The following FAM186A variants were observed in gnomAD, a reference collection of about 807,000 sequenced individuals.
FAM186A encodes the protein family with sequence similarity 186 member A, also known as protein FAM186A.
Under a neutral mutation model 216.8 loss-of-function variants are expected in FAM186A, and 163 were observed. The ratio of observed to expected loss-of-function variants is 0.75; its 90% CI spans 0.66 to 0.86. The LOEUF is 0.86. Among genes scored for constraint, FAM186A ranks in the 40% least tolerant of loss-of-function variants. The pLI, the probability that FAM186A is intolerant of heterozygous loss-of-function variation, is 0.00. For missense variants in FAM186A, 2,184 were observed against 2,746.2 expected (o/e 0.80, Z 4.58); for synonymous variants, 805 against 1,025.3 (o/e 0.79, Z 4.10).
chr12:50,345,997 C>CAA (rs35925338), intron 4 of FAM186A, among the ~76,000 whole-genome samples: 9,849 of 120,644 alleles, frequency 0.082, 915 homozygotes, highest in East Asian at 0.32. Flanking sequence ...GACTTTGCCT[C>CAA]AAAAAAAAAA....
intron 3 of FAM186A, among the ~76,000 whole-genome samples, chr12:50,359,063 A>T (rs1195571679): frequency 6.6e-6 from 1 of 152,136 alleles, no homozygotes; most frequent in African/African-American, 2.4e-5. Flanking sequence ...AATGCAAACT[A>T]AAACCACAAT....
In FAM186A at chr12:50,354,448, A is replaced by G. The variant is rs950122084; in HGVS notation, c.2384T>C (p.Ile795Thr). 1.1e-5 allele frequency: 17 copies of G among 1,551,366 alleles called. No individual in the cohort carries two copies. Among genetic ancestry groups the G allele is most frequent in the Non-Finnish European group, 4.4e-6 (5 of 1,146,990 alleles). Reference protein sequence around the residue: ...DPVINNLIQMILAEIESERDI... With the variant: ...DPVINNLIQMTLAEIESERDI... ...TCTTTCACTTTCTATTTCAGCCAAG[A>G]TCATTTGTATTAAATTGTTAATTAC... Residue 795 changes from isoleucine to threonine, a missense_variant, in exon 4 of 8, where the codon ATC (isoleucine) becomes ACC (threonine). Ile to Thr is a moderately conservative substitution (Grantham distance 89). Coordinates refer to ENST00000327337, the MANE Select transcript of FAM186A (RefSeq NM_001145475.3).
In FAM186A at chr12:50,353,062, G is replaced by T; in HGVS notation, c.3770C>A (p.Pro1257His). 5 of 1,538,216 alleles carry T rather than the reference G, an allele frequency of 3.3e-6. No individual in the cohort carries two copies. The highest frequency in any genetic ancestry group is 4.4e-6 in the Non-Finnish European group (5 of 1,139,722). The change falls in exon 4 of 8, where the codon CCT (proline) becomes CAT (histidine). Residue 1257 changes from proline (P) to histidine (H), a missense_variant. By Grantham distance (77) the Pro-to-His change is moderately conservative. Transcript: ENST00000327337. The stretch of plus-strand genomic sequence containing the variant: ...GATCCCCAGTTCCTGAACCTGCTTA[G>T]GGGTGAGAGTGATTCCGAGAGCCTG... ...QAQALGITLT[P>H]KQVQELGIPL...
intron 1 of FAM186A, among the ~76,000 whole-genome samples, chr12:50,388,320 G>C (rs2136107549): frequency 6.6e-6 from 1 of 152,268 alleles, no homozygotes; most frequent in African/African-American, 2.4e-5. Context: ...ACAGGGTCAA[G>C]GTTTATCCTT....
At chr12:50,345,649 G>C (rs1942804444) in intron 4 of FAM186A, among the ~76,000 whole-genome samples, 1 of 152,076 alleles carries the variant, frequency 6.6e-6, no homozygotes, top group African/African-American at 2.4e-5. Context: ...TCCACAATTA[G>C]ATGATTGTGG....
At position 50,355,917 on chromosome 12, in the gene FAM186A, T is replaced by C; in HGVS notation, c.915A>G (p.Ile305Met). The C allele has an allele frequency of 6.4e-7, 1 of 1,551,582 alleles. No individual in the cohort carries two copies. Among genetic ancestry groups the C allele is most frequent in the South Asian group, 1.2e-5 (1 of 84,070 alleles). ...CATTTTCGTTACTGAGATCTCGTAT[T>C]ATCTTCAGAGAGAGCTCCTTTTCTG... ...SEAEKELSLK[I>M]IRDLSNENEM... The change falls in exon 4 of 8, where the codon ATA becomes ATG. Residue 305 changes from isoleucine (I) to methionine (M), a missense_variant. Physicochemically the swap from Ile to Met is conservative, Grantham distance 10 (BLOSUM62 1). Coordinates refer to ENST00000327337, the MANE Select transcript of FAM186A (RefSeq NM_001145475.3).
intron 1 of FAM186A, among the ~76,000 whole-genome samples, chr12:50,371,484 A>G (rs1943142181): frequency 6.6e-6 from 1 of 152,198 alleles, no homozygotes; most frequent in African/African-American, 2.4e-5. Context: ...GGATATTTTG[A>G]CATACACTAC....
At chr12:50,389,183 T>A (rs1327429460) in intron 1 of FAM186A, among the ~76,000 whole-genome samples, 6 of 151,804 alleles carry the variant, frequency 4.0e-5, no homozygotes, top group Admixed American at 3.9e-4. Context: ...TTGAGCACAA[T>A]AACAAGACCT....
chr12:50,370,485 A>C (rs1258907772), intron 1 of FAM186A, among the ~76,000 whole-genome samples: 1 of 152,160 alleles, frequency 6.6e-6, no homozygotes, highest in Non-Finnish European at 1.5e-5. Flanking sequence ...GGCTACTATG[A>C]AAAAAACAGA....
Position 50,396,489 on chromosome 12 carries a change from A to G in FAM186A, c.-5T>C. 3 of 1,534,158 alleles carry G rather than the reference A, an allele frequency of 2.0e-6. No individual in the cohort carries two copies. Among genetic ancestry groups the G allele is most frequent in the Non-Finnish European group, 2.6e-6 (3 of 1,141,312 alleles). On this transcript the variant is annotated 5_prime_UTR_variant, in exon 1 of 8. Transcript: ENST00000327337. ...ATTTTTCATTTTGAAGAACATTTTG[A>G]AAATGTGGGTGATTTCGTTTTATTT... is the stretch of plus-strand genomic sequence containing the variant.
chr12:50,353,122 T>G lies in FAM186A; in HGVS notation c.3710A>C (p.Gln1237Pro), dbSNP rs565318300. 3 of 1,498,828 alleles carry G rather than the reference T, an allele frequency of 2.0e-6. No individual in the cohort carries two copies. In the South Asian group the frequency reaches 3.8e-5, roughly 19 times the overall value. The allele number at this position is 1,498,828 out of a possible 1,614,324, so 92.8% of individuals were successfully genotyped here. The change falls in exon 4 of 8, where the codon CAG becomes CCG. Residue 1237 changes from glutamine to proline, a missense_variant. Coordinates refer to ENST00000327337, the MANE Select transcript of FAM186A (RefSeq NM_001145475.3). ...LGITLTLQQA[Q>P]QLGIPLTPQQ... ...AGGGGTGAGAGGGATCCCCAATTGC[T>G]GGGCCTGCTGAAGGGTTAGAGTGAT... is the stretch of plus-strand genomic sequence containing the variant.
At chr12:50,350,182 A>T in intron 4 of FAM186A, 147 bp downstream of exon 4, 1 of 705,488 alleles carries the variant, frequency 1.4e-6, no homozygotes, top group Non-Finnish European at 2.2e-6. Flanking sequence ...TTGCTATCTT[A>T]AACAAGCTTC....
chr12:50,366,186 T>A (rs1262300682), intron 1 of FAM186A: 12 of 586,528 alleles, frequency 2.0e-5, no homozygotes, highest in Non-Finnish European at 3.3e-5. Flanking sequence ...AAATGAGTAT[T>A]CTGATGTTAG....
intron 4 of FAM186A, among the ~76,000 whole-genome samples, chr12:50,338,749 T>TC (rs1942735308): frequency 1.3e-5 from 2 of 152,124 alleles, no homozygotes; most frequent in South Asian, 4.2e-4. Context: ...TTCTACCAAT[T>TC]ATTAGCTGTG....
At chr12:50,379,165 G>A (rs1210135314) in intron 1 of FAM186A, among the ~76,000 whole-genome samples, 2 of 152,048 alleles carry the variant, frequency 1.3e-5, no homozygotes, top group African/African-American at 4.8e-5. Flanking sequence ...ATTGGGCCGG[G>A]CACGGTGGCT....
chr12:50,347,901 T>TTTGTTTTTTTG (rs1213283374), intron 4 of FAM186A, among the ~76,000 whole-genome samples: 1 of 151,992 alleles, frequency 6.6e-6, no homozygotes, highest in Non-Finnish European at 1.5e-5. Flanking sequence ...TTTCTTTTGT[T>TTTGTTTTTTTG]TTGTTTTTTT....
chr12:50,389,390 C>T (rs1274345984), intron 1 of FAM186A, among the ~76,000 whole-genome samples: 1 of 152,114 alleles, frequency 6.6e-6, no homozygotes, highest in East Asian at 1.9e-4. Flanking sequence ...ATTCCAGCTA[C>T]TTGGGAGGCT....
chr12:50,380,308 CT>C (rs773968621), intron 1 of FAM186A, among the ~76,000 whole-genome samples: 9 of 151,926 alleles, frequency 5.9e-5, no homozygotes, highest in Non-Finnish European at 8.8e-5. Context: ...TTCTTATATG[CT>C]TATGGATTAG....
intron 1 of FAM186A, among the ~76,000 whole-genome samples, chr12:50,373,643 A>G (rs1421725633): frequency 1.3e-5 from 2 of 152,224 alleles, no homozygotes; most frequent in Non-Finnish European, 1.5e-5. Flanking sequence ...TTTAAAAGTC[A>G]GGAAACAATA....
Sources: allele counts gnomAD v4.1 joint callset (sites outside exome capture counted in the v4.1 genomes callset), GRCh38; gene constraint gnomAD v4.1.1; transcripts MANE v1.5; gene names NCBI Gene and HGNC (gene_info 2026-07-23, HGNC 2026-07-21).